Variants in RXFP1 observed in about 807,000 individuals in gnomAD.
The protein encoded by RXFP1 is relaxin family peptide receptor 1.
RXFP1 carries 73 observed loss-of-function variants against 89.8 expected under a neutral mutation model. That is an observed-to-expected ratio of 0.81 (90% confidence interval 0.67 to 0.99). The LOEUF is 0.99. RXFP1 is among the 50% of genes least tolerant of loss of function. The pLI is 0.00. For synonymous variants in RXFP1, 277 were observed against 305.5 expected, an observed-to-expected ratio of 0.91 and a Z score of 0.97; for missense variants, 793 against 895.5, an observed-to-expected ratio of 0.89 and a Z score of 1.46.
At chr4:158,650,968 T>A (rs1490972706) in intron 17 of RXFP1, among the ~76,000 whole-genome samples, 2 of 151,450 alleles carry the variant, frequency 1.3e-5, no homozygotes, top group African/African-American at 4.9e-5. Context: ...AATAAAAAAA[T>A]AAAAAATTAA....
chr4:158,581,045 C>T (rs1757255679), intron 2 of RXFP1, among the ~76,000 whole-genome samples: 1 of 152,160 alleles, frequency 6.6e-6, no homozygotes, highest in Admixed American at 6.5e-5. Context: ...CCACCTTGGC[C>T]TCCCAAAGTG....
At chr4:158,599,206 G>T in intron 3 of RXFP1, 120 bp from the exon 4 acceptor site, 1 of 1,502,294 alleles carries the variant, frequency 6.7e-7, no homozygotes. Context: ...TGCCTACGTA[G>T]CACATGATAT....
At position 158,646,951 on chromosome 4, in the gene RXFP1, G is replaced by T. The variant is rs1167084551; in HGVS notation, c.1506G>T (p.Leu502=). ...TGTCCACAGAAGTATCAGTTTTACT[G>T]TTAACATTTCTGACATTGGAAAAAT... ...AILSTEVSVL[L]LTFLTLEKYI... is the part of the protein sequence containing the mutation. Residue 502 remains leucine (L), a synonymous_variant, in exon 16 of 18, where the codon CTG becomes CTT. Coordinates refer to ENST00000307765, the MANE Select transcript of RXFP1 (RefSeq NM_021634.4). The T allele has an allele frequency of 3.1e-6, 5 of 1,614,034 alleles. No individual in the cohort carries two copies. Among genetic ancestry groups the T allele is most frequent in the Non-Finnish European group, 4.2e-6 (5 of 1,180,024 alleles).
At chr4:158,642,583 C>A (rs1203559364) in intron 14 of RXFP1, among the ~76,000 whole-genome samples, 1 of 152,212 alleles carries the variant, frequency 6.6e-6, no homozygotes, top group Non-Finnish European at 1.5e-5. Context: ...GTAATGTCCT[C>A]CATTTCCCAC....
intron 1 of RXFP1, among the ~76,000 whole-genome samples, chr4:158,566,817 C>T (rs1288765246): frequency 1.3e-5 from 2 of 152,276 alleles, no homozygotes; most frequent in Non-Finnish European, 2.9e-5. Flanking sequence ...TCTCGGCACC[C>T]CCTCGCCTTG....
chr4:158,547,871 T>G (rs1227937131), intron 1 of RXFP1, among the ~76,000 whole-genome samples: 2 of 152,196 alleles, frequency 1.3e-5, no homozygotes, highest in Non-Finnish European at 1.5e-5. Context: ...TACTTCCAAC[T>G]ATGTGGTCAA....
At chr4:158,626,184 A>T (rs1049135135) in intron 9 of RXFP1, among the ~76,000 whole-genome samples, 2 of 152,042 alleles carry the variant, frequency 1.3e-5, no homozygotes, top group South Asian at 4.1e-4. Flanking sequence ...AGATGTAGAG[A>T]TAGAGATATA....
intron 2 of RXFP1, among the ~76,000 whole-genome samples, chr4:158,578,518 A>ATTT (rs1756698425): frequency 6.6e-6 from 1 of 152,248 alleles, no homozygotes; most frequent in Non-Finnish European, 1.5e-5. Context: ...TCAGTAGTAA[A>ATTT]AATGTTAAAG....
chr4:158,612,127 C>A lies in RXFP1; in HGVS notation c.537-3C>A, dbSNP rs751250719. 1 of 1,593,330 alleles carries A rather than the reference C, an allele frequency of 6.3e-7. No individual in the cohort carries two copies. Among genetic ancestry groups the A allele is most frequent in the Non-Finnish European group, 8.5e-7 (1 of 1,171,664 alleles). On this transcript the variant is annotated splice_polypyrimidine_tract_variant and splice_region_variant and intron_variant, in intron 6 of 17. Coordinates refer to ENST00000307765, the MANE Select transcript of RXFP1 (RefSeq NM_021634.4). ...TTTATTGTAGTTATTTCTCCTTTTC[C>A]AGGTATCTCAGTCATAACAGAATAA...
intron 15 of RXFP1, among the ~76,000 whole-genome samples, chr4:158,646,036 T>C (rs1771475999): frequency 6.6e-6 from 1 of 152,210 alleles, no homozygotes. Flanking sequence ...GATGTGATTT[T>C]AGGGATTTTG....
intron 15 of RXFP1, 95 bp from the exon 16 acceptor site, chr4:158,646,696 G>T: frequency 6.8e-7 from 1 of 1,475,610 alleles, no homozygotes; most frequent in Non-Finnish European, 9.0e-7. Flanking sequence ...GAAGAAACTT[G>T]ACTATTTTTT....
chr4:158,590,744 G>A (rs748127438), intron 2 of RXFP1, among the ~76,000 whole-genome samples: 3 of 152,154 alleles, frequency 2.0e-5, no homozygotes, highest in Non-Finnish European at 4.4e-5. Context: ...TTCCATCCTT[G>A]AGATGTCTGA....
At chr4:158,629,663 G>C (rs927474885) in intron 11 of RXFP1, among the ~76,000 whole-genome samples, 1 of 151,822 alleles carries the variant, frequency 6.6e-6, no homozygotes, top group African/African-American at 2.4e-5. Context: ...GTGTCACTCT[G>C]TTGCCCAAGC....
At chr4:158,525,537 A>T (rs1038876117) in intron 1 of RXFP1, among the ~76,000 whole-genome samples, 1 of 152,240 alleles carries the variant, frequency 6.6e-6, no homozygotes, top group Non-Finnish European at 1.5e-5. Context: ...AATTTCACAC[A>T]TTAGTACAAA....
At chr4:158,572,908 T>G in intron 2 of RXFP1, 73 bp downstream of exon 2, 2 of 1,558,278 alleles carry the variant, frequency 1.3e-6, no homozygotes, top group Middle Eastern at 3.5e-4. Flanking sequence ...CTGAGACTTC[T>G]CTCAACAAAA....
chr4:158,525,612 T>C (rs1298143139), intron 1 of RXFP1, among the ~76,000 whole-genome samples: 1 of 152,252 alleles, frequency 6.6e-6, no homozygotes, highest in Non-Finnish European at 1.5e-5. Context: ...TCTGAAAAAC[T>C]GTAAGCATTT....
At chr4:158,527,564 A>AAAT (rs5741905) in intron 1 of RXFP1, among the ~76,000 whole-genome samples, 1,002 of 98,340 alleles carry the variant, frequency 0.01, 19 homozygotes, top group African/African-American at 0.034. Context: ...AAAAAAAAAA[A>AAAT]ATATATATAT....
intron 1 of RXFP1, among the ~76,000 whole-genome samples, chr4:158,557,263 G>A (rs1346477629): frequency 6.6e-6 from 1 of 152,024 alleles, no homozygotes; most frequent in African/African-American, 2.4e-5. Context: ...CTGCTGTTGG[G>A]ATTTAAATGT....
intron 1 of RXFP1, among the ~76,000 whole-genome samples, chr4:158,557,685 A>G (rs376933925): frequency 1.1e-4 from 16 of 152,226 alleles, no homozygotes; most frequent in African/African-American, 3.6e-4. Context: ...TTTACACAAG[A>G]TGAGAATATT....
Sources: allele counts gnomAD v4.1 joint callset (sites outside exome capture counted in the v4.1 genomes callset), GRCh38; gene constraint gnomAD v4.1.1; transcripts MANE v1.5; gene names NCBI Gene and HGNC (gene_info 2026-07-23, HGNC 2026-07-21).